The following SCHIP1 variants were observed in gnomAD, a reference collection of about 807,000 sequenced individuals.
The protein encoded by SCHIP1 is schwannomin interacting protein 1, also known as schwannomin-interacting protein 1.
In SCHIP1, 8 loss-of-function variants were observed where a neutral mutation model predicts 29.7. That is an observed-to-expected ratio of 0.27 (90% CI 0.16 to 0.49). The LOEUF (loss-of-function observed/expected upper bound fraction) is 0.49, where lower values mean the gene tolerates loss of function less well. Among genes scored for constraint, SCHIP1 ranks in the 20% least tolerant of loss-of-function variants. The pLI is 0.99. For missense variants in SCHIP1, 193 were observed against 294.6 expected (o/e 0.66, Z 2.52); for synonymous variants, 76 against 94.9 (o/e 0.80, Z 1.16).
At chr3:159,648,466 C>T in the SCHIP1 span, among the ~76,000 whole-genome samples, 1 of 152,114 alleles carries the variant, frequency 6.6e-6, no homozygotes, top group Non-Finnish European at 1.5e-5. Context: ...GTCATGAGGA[C>T]TAAGCAAAAT....
At chr3:159,313,924 A>G in the SCHIP1 span, among the ~76,000 whole-genome samples, 2 of 152,136 alleles carry the variant, frequency 1.3e-5, no homozygotes, top group African/African-American at 4.8e-5. Context: ...GGTTAGACTT[A>G]GGTTATGAGT....
chr3:159,418,702 C>T, the SCHIP1 span, among the ~76,000 whole-genome samples: 1 of 152,226 alleles, frequency 6.6e-6, no homozygotes, highest in African/African-American at 2.4e-5. Flanking sequence ...GGTCAGACTT[C>T]ATTAGCTCTG....
At chr3:159,752,786 C>G in the SCHIP1 span, among the ~76,000 whole-genome samples, 1,099 of 152,262 alleles carry the variant, frequency 7.2e-3, 17 homozygotes, top group African/African-American at 0.025. Flanking sequence ...AAGCTGGAGA[C>G]TATAATTCAA....
At chr3:159,711,117 T>TG in the SCHIP1 span, among the ~76,000 whole-genome samples, 7 of 152,024 alleles carry the variant, frequency 4.6e-5, no homozygotes, top group Non-Finnish European at 7.4e-5. Flanking sequence ...ACCTAAATAA[T>TG]GCAGTTTAGG....
At chr3:159,390,025 T>C in the SCHIP1 span, among the ~76,000 whole-genome samples, 1 of 152,084 alleles carries the variant, frequency 6.6e-6, no homozygotes, top group Non-Finnish European at 1.5e-5. Context: ...TTTACATTTA[T>C]TAACAAATTA....
chr3:159,349,131 A>C, the SCHIP1 span, among the ~76,000 whole-genome samples: 1 of 152,220 alleles, frequency 6.6e-6, no homozygotes, highest in African/African-American at 2.4e-5. Flanking sequence ...TAGTGCAAAG[A>C]TAACATTCAT....
chr3:159,335,408 T>C, the SCHIP1 span, among the ~76,000 whole-genome samples: 42 of 152,242 alleles, frequency 2.8e-4, no homozygotes, highest in South Asian at 2.5e-3. Flanking sequence ...TAGTTACATA[T>C]GTATACATGT....
the SCHIP1 span, among the ~76,000 whole-genome samples, chr3:159,493,267 C>A: frequency 1.3e-5 from 2 of 152,098 alleles, no homozygotes; most frequent in African/African-American, 4.8e-5. Context: ...ACCTTAAATT[C>A]AAATGGGCTA....
At chr3:159,393,363 G>C in the SCHIP1 span, among the ~76,000 whole-genome samples, 1 of 151,938 alleles carries the variant, frequency 6.6e-6, no homozygotes. Flanking sequence ...ATTGCTTTTG[G>C]TGTTTTAGAC....
At chr3:159,433,646 G>A in the SCHIP1 span, among the ~76,000 whole-genome samples, 43 of 152,220 alleles carry the variant, frequency 2.8e-4, no homozygotes, top group African/African-American at 9.1e-4. Flanking sequence ...TGACACAGTC[G>A]AAATTAATTT....
intron 6 of SCHIP1, chr3:159,893,864 G>A (rs1717793449): frequency 6.6e-6 from 1 of 152,170 alleles, no homozygotes; most frequent in African/African-American, 2.4e-5. Context: ...TTCTACATCT[G>A]CTCTTGGCTG....
At chr3:159,662,556 A>T in the SCHIP1 span, among the ~76,000 whole-genome samples, 1 of 152,192 alleles carries the variant, frequency 6.6e-6, no homozygotes, top group Non-Finnish European at 1.5e-5. Flanking sequence ...ATCAGAATCA[A>T]CTAAGCTACT....
At chr3:159,591,380 A>G in the SCHIP1 span, among the ~76,000 whole-genome samples, 1 of 152,166 alleles carries the variant, frequency 6.6e-6, no homozygotes, top group East Asian at 1.9e-4. Context: ...AGGATCTAGA[A>G]TCAGAAATAC....
the SCHIP1 span, among the ~76,000 whole-genome samples, chr3:159,490,025 G>T: frequency 5.7e-4 from 86 of 152,106 alleles, no homozygotes; most frequent in Non-Finnish European, 1.1e-3. Flanking sequence ...TTATATAATT[G>T]TATATAATTT....
At chr3:159,454,871 T>A in the SCHIP1 span, among the ~76,000 whole-genome samples, 14 of 152,212 alleles carry the variant, frequency 9.2e-5, no homozygotes, top group Admixed American at 3.3e-4. Flanking sequence ...AGGAAATTGA[T>A]TTGTATATCG....
chr3:159,483,947 G>A, the SCHIP1 span, among the ~76,000 whole-genome samples: 4 of 152,188 alleles, frequency 2.6e-5, no homozygotes, highest in African/African-American at 9.6e-5. Flanking sequence ...GTTGTGTAGT[G>A]AATTTAAAAA....
the SCHIP1 span, among the ~76,000 whole-genome samples, chr3:159,357,833 T>C: frequency 7.9e-5 from 12 of 152,144 alleles, no homozygotes; most frequent in Non-Finnish European, 1.3e-4. Context: ...GCCACTCCCC[T>C]TGGAGTCTTA....
chr3:159,544,390 G>A, the SCHIP1 span, among the ~76,000 whole-genome samples: 5 of 151,992 alleles, frequency 3.3e-5, no homozygotes, highest in South Asian at 4.2e-4. Flanking sequence ...TGGAGAAGTG[G>A]AACTGCTGAG....
the SCHIP1 span, among the ~76,000 whole-genome samples, chr3:159,453,771 C>G: frequency 2.0e-5 from 3 of 152,192 alleles, no homozygotes; most frequent in African/African-American, 7.2e-5. Context: ...TTAAACCACC[C>G]ACCTACATGT....
Sources: gnomAD v4.1 joint callset for allele counts (sites outside exome capture counted in the v4.1 genomes callset) on GRCh38, gnomAD v4.1.1 for gene constraint, MANE v1.5 for transcripts, NCBI Gene and HGNC (gene_info 2026-07-23, HGNC 2026-07-21) for gene names.